The following SH3TC1 variants were observed in gnomAD, a reference collection of about 807,000 sequenced individuals.
SH3TC1 encodes SH3 domain and tetratricopeptide repeats 1.
Under a neutral mutation model 117.3 loss-of-function variants are expected in SH3TC1, and 135 were observed. That is an observed-to-expected ratio of 1.15 (90% CI 1.00 to 1.33). SH3TC1 has a LOEUF of 1.33. SH3TC1 is among the 40% of genes most tolerant of loss of function. The pLI, the probability that SH3TC1 is intolerant of heterozygous loss-of-function variation, is 0.00. For synonymous variants in SH3TC1, 898 were observed against 816.9 expected (o/e 1.10, Z -1.69); for missense variants, 2,092 against 1,794.3 (o/e 1.17, Z -3.00).
chr4:8,240,040 T>A (rs1722194935), intron 17 of SH3TC1, among the ~76,000 whole-genome samples: 1 of 152,100 alleles, frequency 6.6e-6, no homozygotes, highest in Admixed American at 6.5e-5. Context: ...GGGCCAAGCT[T>A]GGGTCTTAGA....
chr4:8,209,595 G>A lies in SH3TC1; in HGVS notation c.173-153G>A. The stretch of plus-strand genomic sequence containing the variant: ...CAGCTTCCCTCCTTGCTGGGCTCTG[G>A]GGAGACTGGAGGAAGGCAGCTGTGG... On this transcript the variant is annotated intron_variant, in intron 2 of 17. Transcript: ENST00000245105. This position sits in a 1 kb window ranked among gnomAD's most constrained non-coding sequence, Gnocchi z 5.9. The A allele has an allele frequency of 6.5e-7, 1 of 1,528,746 alleles. No individual in the cohort carries two copies. Among genetic ancestry groups the A allele is most frequent in the East Asian group, 2.5e-5 (1 of 40,772 alleles). The allele number at this position is 1,528,746 out of a possible 1,614,324, so 94.7% of individuals were successfully genotyped here.
rs140220512 is a variant in SH3TC1, at chr4:8,217,072, G to A, written c.744G>A (p.Ala248=). The change falls in exon 7 of 18, where the codon GCG becomes GCA. Residue 248 remains alanine, a synonymous_variant. Coordinates refer to ENST00000245105, the MANE Select transcript of SH3TC1 (RefSeq NM_018986.5). ...CTTCGGGGGCACCCCAGGGAGAGGC[G>A]GCCCCGGAAACAGACTCTTCACCGC... is the stretch of plus-strand genomic sequence containing the variant. ...RQASGAPQGE[A]APETDSSPPS... is the part of the protein sequence containing the mutation. 2.2e-4 allele frequency: 353 copies of A among 1,612,768 alleles called. No homozygotes were observed. Among genetic ancestry groups the A allele is most frequent in the Non-Finnish European group, 2.7e-4 (317 of 1,179,506 alleles).
chr4:8,205,129 G>A lies in SH3TC1; in HGVS notation c.-28-38G>A, dbSNP rs1718090309. 2 of 1,433,244 alleles carry A rather than the reference G, an allele frequency of 1.4e-6. No homozygotes were observed. Among genetic ancestry groups the A allele is most frequent in the Non-Finnish European group, 1.8e-6 (2 of 1,087,456 alleles). 88.8% of individuals were successfully genotyped at this position (1,433,244 alleles called of 1,614,324 possible). On this transcript the variant is annotated intron_variant, in intron 1 of 17. Coordinates refer to ENST00000245105, the MANE Select transcript of SH3TC1 (RefSeq NM_018986.5). This position sits in a 1 kb window ranked among gnomAD's most constrained non-coding sequence, Gnocchi z 5.4. ...ACACAACCTCCGTGCTGGTTCTGGA[G>A]GGGCCACCTCTCCTGACCACACCCC... is the stretch of plus-strand genomic sequence containing the variant.
chr4:8,192,046 A>G lies in SH3TC1; in HGVS notation c.-57+9836A>G, dbSNP rs1419992570. Among the ~76,000 whole-genome samples, 2 of 151,232 alleles carry G rather than the reference A, an allele frequency of 1.3e-5. No individual in the cohort carries two copies. The highest frequency in any genetic ancestry group is 4.9e-5 in the African/African-American group (2 of 41,054). On this transcript the variant is annotated intron_variant, in intron 1 of 16. Coordinates refer to the SH3TC1 transcript ENST00000508641. This position sits in a 1 kb window ranked among gnomAD's most constrained non-coding sequence, Gnocchi z 4.1. ...GCTCTGTCACCCAGGCTGGAGTGCA[A>G]TGGCGCGATCTCGGCTCACTGCCAC...
rs1720385197 is a variant in SH3TC1 at position 8,225,548 on chromosome 4, C to T, written c.1285+332C>T. On this transcript the variant is annotated intron_variant, in intron 11 of 17. Transcript: ENST00000245105. The surrounding 1 kb of genome is among the most constrained non-coding windows in gnomAD (Gnocchi z 5.5). Reference sequence around the variant, plus strand: ...ACCTGGAGAAGCTGCAGCTTGCCCTCTGCTCTGCCTCAGAGATGGGAGGCC... The same window carrying T: ...ACCTGGAGAAGCTGCAGCTTGCCCTTTGCTCTGCCTCAGAGATGGGAGGCC... Among the ~76,000 whole-genome samples, 1 of 152,196 alleles carries T rather than the reference C, an allele frequency of 6.6e-6. No homozygotes were observed. Among genetic ancestry groups the T allele is most frequent in the African/African-American group, 2.4e-5 (1 of 41,458 alleles).
rs980296505 is a variant in SH3TC1 at position 8,209,938 on chromosome 4, T to C, written c.247+116T>C. 32 of 1,031,842 alleles carry C rather than the reference T, an allele frequency of 3.1e-5. No homozygotes were observed. The highest frequency in any genetic ancestry group is 3.0e-4 in the Middle Eastern group (1 of 3,332). The allele number at this position is 1,031,842 out of a possible 1,614,324, so 63.9% of individuals were successfully genotyped here. A position where few individuals can be genotyped will look rare whatever the true frequency, so the allele number is the denominator to read the frequency against. On this transcript the variant is annotated intron_variant, in intron 3 of 17. Transcript: ENST00000245105. This position sits in a 1 kb window ranked among gnomAD's most constrained non-coding sequence, Gnocchi z 5.9. ...AAAGTGTGGCCTCAGACTTCCCACCTTAAAATCATGATGGGAATAGAAAGA... is the reference window on the plus strand; with the variant it reads ...AAAGTGTGGCCTCAGACTTCCCACCCTAAAATCATGATGGGAATAGAAAGA...
intron 10 of SH3TC1, chr4:8,224,563 C>T (rs1720281684): frequency 2.0e-5 from 3 of 152,784 alleles, no homozygotes. Context: ...GTTCACAGCG[C>T]TTGACGCTGT....
intron 17 of SH3TC1, among the ~76,000 whole-genome samples, chr4:8,239,372 CACACACAGGCACAGGCCCCATGT>C (rs1349684740): frequency 2.0e-4 from 31 of 151,842 alleles, no homozygotes; most frequent in African/African-American, 6.3e-4. Flanking sequence ...CAGGCACACG[CACACACAGGCACAGGCCCCATGT>C]ACACACAGGC....
Position 8,228,583 on chromosome 4 carries a change from G to A in SH3TC1, c.2889G>A (p.Gln963=). The change falls in exon 12 of 18, where the codon CAG becomes CAA. Residue 963 remains glutamine (Q), a synonymous_variant. Transcript: ENST00000245105. ...TCTGCACCCGCCAGGGCCCGGCCCA[G>A]CAGGGCAAGGGCTACTACGAGTGGG... ...GHLCTRQGPA[Q]QGKGYYEWAL... The A allele has an allele frequency of 6.3e-7, 1 of 1,587,824 alleles. No homozygotes were observed. The highest frequency in any genetic ancestry group is 8.6e-7 in the Non-Finnish European group (1 of 1,168,592).
chr4:8,223,620 C>G (rs1433384534), intron 10 of SH3TC1, among the ~76,000 whole-genome samples: 2 of 151,044 alleles, frequency 1.3e-5, no homozygotes, highest in Non-Finnish European at 2.9e-5. Flanking sequence ...AAATGTGTGG[C>G]TACACACCCA....
rs992174275 is a variant in SH3TC1, at chr4:8,206,866, T to TGA, written c.172+1501_172+1502insAG. 1.8e-4 allele frequency among the ~76,000 whole-genome samples: 27 copies of TGA among 150,022 alleles called. No homozygotes were observed. The highest frequency in any genetic ancestry group is 6.4e-4 in the African/African-American group (26 of 40,880). On this transcript the variant is annotated intron_variant, in intron 2 of 17. Coordinates refer to ENST00000245105, the MANE Select transcript of SH3TC1 (RefSeq NM_018986.5). This position sits in a 1 kb window ranked among gnomAD's most constrained non-coding sequence, Gnocchi z 5.5. ...GTGTGTGTGTGTGTGTGTGTGTGTG[T>TGA]GTGATTTTCTTCTGATCCTTTTGGG...
At position 8,227,529 on chromosome 4, in the gene SH3TC1, G is replaced by T. The variant is rs552621094; in HGVS notation, c.1835G>T (p.Arg612Leu). 2 of 1,534,608 alleles carry T rather than the reference G, an allele frequency of 1.3e-6. No individual in the cohort carries two copies. Among genetic ancestry groups the T allele is most frequent in the African/African-American group, 1.4e-5 (1 of 72,212 alleles). ...AVYANLASIY[R>L]KQKNREKCAQ... ...TACGCCAACCTGGCCAGCATTTACC[G>T]GAAGCAGAAGAACCGGGAGAAGTGT... Residue 612 changes from arginine (R) to leucine (L), a missense_variant, in exon 12 of 18, where the codon CGG becomes CTG. Physicochemically the swap from Arg to Leu is moderately radical, Grantham distance 102. Transcript: ENST00000245105.
intron 16 of SH3TC1, 116 bp downstream of exon 16, chr4:8,236,544 C>A: frequency 7.5e-7 from 1 of 1,339,584 alleles, no homozygotes; most frequent in East Asian, 2.9e-5. Flanking sequence ...CCTGTCCAGG[C>A]AGGCACATCT....
chr4:8,233,610 C>T, intron 14 of SH3TC1, 97 bp downstream of exon 14: 17 of 1,393,626 alleles, frequency 1.2e-5, no homozygotes, highest in Non-Finnish European at 1.4e-5. Context: ...CTTCCATCAT[C>T]TATCCATTTA....
At chr4:8,216,810 C>T in intron 6 of SH3TC1, 147 bp from the exon 7 acceptor site, 2 of 749,320 alleles carry the variant, frequency 2.7e-6, no homozygotes, top group South Asian at 1.7e-5. Context: ...TCCTTCTGAG[C>T]CCCTTTGGGT....
intron 16 of SH3TC1, chr4:8,236,792 G>A (rs530693256): frequency 1.5e-5 from 3 of 204,062 alleles, no homozygotes; most frequent in East Asian, 1.1e-4. Context: ...TCAACCACAC[G>A]GCTCTGTGGC....
intron 9 of SH3TC1, among the ~76,000 whole-genome samples, chr4:8,220,875 G>T (rs1375758303): frequency 6.6e-6 from 1 of 152,198 alleles, no homozygotes; most frequent in African/African-American, 2.4e-5. Context: ...CTGGAAGCTG[G>T]CCAGGCCATG....
chr4:8,186,909 A>C lies in SH3TC1; in HGVS notation c.-57+4699A>C, dbSNP rs1435102846. On this transcript the variant is annotated intron_variant, in intron 1 of 16. Coordinates refer to the SH3TC1 transcript ENST00000508641. The surrounding 1 kb of genome is among the most constrained non-coding windows in gnomAD (Gnocchi z 5.2). The stretch of plus-strand genomic sequence containing the variant: ...CAGTGAGCCGAGATCATACCACTGC[A>C]CTCCAGCCTGGGTGACAGGGCAAGA... 7.6e-5 allele frequency among the ~76,000 whole-genome samples: 11 copies of C among 145,052 alleles called. No homozygotes were observed. Among genetic ancestry groups the C allele is most frequent in the African/African-American group, 2.9e-4 (11 of 38,368 alleles).
intron 12 of SH3TC1, among the ~76,000 whole-genome samples, chr4:8,230,695 CT>C (rs1325681877): frequency 6.6e-6 from 1 of 150,624 alleles, no homozygotes; most frequent in Non-Finnish European, 1.5e-5. Flanking sequence ...TGAGATTTTT[CT>C]TCTTTCTTTG....
Sources: allele counts gnomAD v4.1 joint callset (sites outside exome capture counted in the v4.1 genomes callset), GRCh38; gene constraint gnomAD v4.1.1; non-coding constraint Gnocchi (gnomAD v3.1); transcripts MANE v1.5; gene names NCBI Gene and HGNC (gene_info 2026-07-23, HGNC 2026-07-21).